Variants in AGBL4 observed in about 807,000 individuals in gnomAD.
AGBL4 encodes the protein cytosolic carboxypeptidase 6.
Under a neutral mutation model 66.4 loss-of-function variants are expected in AGBL4, and 58 were observed. That is an observed-to-expected ratio of 0.87 (90% CI 0.71 to 1.09). The LOEUF (loss-of-function observed/expected upper bound fraction) is 1.09, where lower values mean the gene tolerates loss of function less well. AGBL4 is among the 50% of genes least tolerant of loss of function. The pLI, the probability that AGBL4 is intolerant of heterozygous loss-of-function variation, is 0.00. For synonymous variants in AGBL4, 234 were observed against 222.9 expected, an observed-to-expected ratio of 1.05 and a Z score of -0.44; for missense variants, 579 against 631.0, an observed-to-expected ratio of 0.92 and a Z score of 0.88.
At chr1:49,402,813 C>T (rs557221098) in intron 3 of AGBL4, among the ~76,000 whole-genome samples, 2 of 152,242 alleles carry the variant, frequency 1.3e-5, no homozygotes, top group African/African-American at 4.8e-5. Flanking sequence ...GTGATCTGCC[C>T]GCCTTGGCCT....
At chr1:49,152,466 G>A (rs946963692) in intron 4 of AGBL4, among the ~76,000 whole-genome samples, 2 of 152,240 alleles carry the variant, frequency 1.3e-5, no homozygotes, top group Middle Eastern at 3.4e-3. Flanking sequence ...AATCTTCCAA[G>A]CCCTGGGATA....
chr1:49,143,143 T>G (rs1357989603), intron 4 of AGBL4, among the ~76,000 whole-genome samples: 1 of 152,090 alleles, frequency 6.6e-6, no homozygotes, highest in African/African-American at 2.4e-5. Context: ...CTCCCAATAC[T>G]TTATCTATAG....
At chr1:49,766,199 A>C (rs534192556) in intron 2 of AGBL4, among the ~76,000 whole-genome samples, 14 of 152,196 alleles carry the variant, frequency 9.2e-5, no homozygotes, top group Admixed American at 2.0e-4. Flanking sequence ...CAAAAAGGTG[A>C]GAACACATAT....
rs184924735 is a variant in AGBL4, at chr1:49,388,379, A to T, written c.283-142515T>A. Among the ~76,000 whole-genome samples the T allele has an allele frequency of 1.2e-3, 187 of 152,220 alleles. 1 individual carries two copies. Among genetic ancestry groups the T allele is most frequent in the Middle Eastern group, 0.01 (3 of 294 alleles). On this transcript the variant is annotated intron_variant, in intron 3 of 13. Coordinates refer to ENST00000371839, the MANE Select transcript of AGBL4 (RefSeq NM_032785.4). ...AATATAACTTAATGTACAAAAAAAA[A>T]TAGCTGGCCAGGGGCAATGGTTTGC...
chr1:49,782,545 T>C (rs1224507486), intron 2 of AGBL4, among the ~76,000 whole-genome samples: 1 of 152,176 alleles, frequency 6.6e-6, no homozygotes, highest in Non-Finnish European at 1.5e-5. Flanking sequence ...CTTTAAGAAG[T>C]AAGTAGAAGT....
chr1:49,535,332 T>C (rs2148818133), intron 3 of AGBL4, among the ~76,000 whole-genome samples: 1 of 148,214 alleles, frequency 6.7e-6, no homozygotes, highest in East Asian at 2.0e-4. Context: ...TATAATATAA[T>C]ATGTAATATG....
chr1:48,855,406 T>C (rs529107618), intron 6 of AGBL4, among the ~76,000 whole-genome samples: 5 of 152,248 alleles, frequency 3.3e-5, no homozygotes, highest in Non-Finnish European at 5.9e-5. Flanking sequence ...TGCTTCTCCC[T>C]GCCTTTATGC....
At chr1:49,813,481 T>C (rs1645155355) in intron 2 of AGBL4, among the ~76,000 whole-genome samples, 1 of 152,118 alleles carries the variant, frequency 6.6e-6, no homozygotes, top group South Asian at 2.1e-4. Flanking sequence ...CTGACACCAC[T>C]CTTTATCCCT....
chr1:49,707,482 A>G (rs1316180169), intron 2 of AGBL4, among the ~76,000 whole-genome samples: 1 of 151,786 alleles, frequency 6.6e-6, no homozygotes, highest in Non-Finnish European at 1.5e-5. Flanking sequence ...ATATAACACA[A>G]AGATGGATCT....
intron 5 of AGBL4, among the ~76,000 whole-genome samples, chr1:48,908,820 C>G (rs1652839180): frequency 1.3e-5 from 2 of 152,116 alleles, no homozygotes; most frequent in African/African-American, 4.8e-5. Context: ...CAGCAAATTC[C>G]AAAGCTTTCT....
chr1:48,983,858 C>A (rs1659965633), intron 5 of AGBL4, among the ~76,000 whole-genome samples: 1 of 151,984 alleles, frequency 6.6e-6, no homozygotes, highest in South Asian at 2.1e-4. Flanking sequence ...TGAAAACAAC[C>A]AGAATCAAAT....
At chr1:48,640,058 T>C (rs75417122) in intron 8 of AGBL4, among the ~76,000 whole-genome samples, 13,175 of 152,244 alleles carry the variant, frequency 0.087, 666 homozygotes, top group African/African-American at 0.13. Flanking sequence ...CTTGGTGCTC[T>C]TGTATTCTAT....
At chr1:49,763,854 T>C (rs1479636462) in intron 2 of AGBL4, among the ~76,000 whole-genome samples, 1 of 152,104 alleles carries the variant, frequency 6.6e-6, no homozygotes. Flanking sequence ...ACAGGCTCTT[T>C]TGCACATCCC....
intron 3 of AGBL4, among the ~76,000 whole-genome samples, chr1:49,485,351 G>A (rs59347430): frequency 0.069 from 10,240 of 147,604 alleles, 504 homozygotes; most frequent in African/African-American, 0.14. Flanking sequence ...GCAAACTATC[G>A]CAAGGACAAA....
rs17104669 is a variant in AGBL4, at chr1:48,693,468, G to A, written c.635-30227C>T. Among the ~76,000 whole-genome samples the A allele has an allele frequency of 9.3e-3, 1,409 of 152,222 alleles. 24 individuals are homozygous for A. The highest frequency in any genetic ancestry group is 0.031 in the African/African-American group (1,271 of 41,534). On this transcript the variant is annotated intron_variant, in intron 6 of 13. Coordinates refer to ENST00000371839, the MANE Select transcript of AGBL4 (RefSeq NM_032785.4). Reference sequence around the variant, plus strand: ...GAGCCCGTTTGGCCAGGTGGTCTCCGCGCTGACCTGTCGGCTGACTCCACA... The same window carrying A: ...GAGCCCGTTTGGCCAGGTGGTCTCCACGCTGACCTGTCGGCTGACTCCACA...
Position 49,461,693 on chromosome 1 carries a change from C to G in AGBL4, c.283-215829G>C, listed in dbSNP as rs1038924774. Among the ~76,000 whole-genome samples the G allele has an allele frequency of 3.5e-5, 5 of 141,028 alleles. No homozygotes were observed. In the South Asian group the frequency reaches 7.6e-4, roughly 21 times the overall value. 92.5% of individuals were successfully genotyped at this position (141,028 alleles called of 152,430 possible). On this transcript the variant is annotated intron_variant, in intron 3 of 13. Coordinates refer to ENST00000371839, the MANE Select transcript of AGBL4 (RefSeq NM_032785.4). ...GTCCATGTGTTCTCATTGTTCAACT[C>G]CCACTTATAAGTGAGAACATGCGGT... is the stretch of plus-strand genomic sequence containing the variant.
intron 3 of AGBL4, among the ~76,000 whole-genome samples, chr1:49,530,259 T>TAAAAAAAAAAAACAAAA (rs1553221111): frequency 2.6e-5 from 2 of 75,990 alleles, no homozygotes; most frequent in East Asian, 5.0e-4. Context: ...GTAGAATTTG[T>TAAAAAAAAAAAACAAAA]AAAAAAAAAA....
chr1:48,637,139 G>T (rs958524911), intron 8 of AGBL4, among the ~76,000 whole-genome samples: 1 of 152,158 alleles, frequency 6.6e-6, no homozygotes, highest in Non-Finnish European at 1.5e-5. Context: ...CATAGGTTTT[G>T]GTACATAATG....
chr1:49,926,584 CAAAGA>C (rs1652799290), intron 1 of AGBL4, among the ~76,000 whole-genome samples: 2 of 152,164 alleles, frequency 1.3e-5, no homozygotes, highest in African/African-American at 4.8e-5. Flanking sequence ...CCCAGAGGGA[CAAAGA>C]TGAGACCTTT....
Sources: gnomAD v4.1 joint callset for allele counts (sites outside exome capture counted in the v4.1 genomes callset) on GRCh38, gnomAD v4.1.1 for gene constraint, MANE v1.5 for transcripts, NCBI Gene and HGNC (gene_info 2026-07-23, HGNC 2026-07-21) for gene names.